KANK1: variants seen among roughly 807,000 people sequenced by gnomAD.
KANK1 encodes KN motif and ankyrin repeat domain-containing protein 1.
A neutral mutation model predicts 106.2 loss-of-function variants in KANK1; 109 were observed. The ratio of observed to expected loss-of-function variants is 1.03; its 90% CI spans 0.88 to 1.20. The LOEUF is 1.20. Among genes scored for constraint, KANK1 ranks in the 50% most tolerant of loss-of-function variants. The pLI, the probability that KANK1 is intolerant of heterozygous loss-of-function variation, is 0.00. For missense variants in KANK1, 2,399 were observed against 1,710.7 expected (o/e 1.40, Z -7.10); for synonymous variants, 873 against 652.2 (o/e 1.34, Z -5.16).
chr9:670,695 T>G (rs1845673811), intron 1 of KANK1, among the ~76,000 whole-genome samples: 1 of 152,194 alleles, frequency 6.6e-6, no homozygotes, highest in Non-Finnish European at 1.5e-5. Flanking sequence ...TAATCCTGCC[T>G]CCTTCCTTTG....
chr9:715,642 C>T (rs1272664438), intron 3 of KANK1, among the ~76,000 whole-genome samples: 1 of 152,224 alleles, frequency 6.6e-6, no homozygotes, highest in Non-Finnish European at 1.5e-5. Context: ...AGCTAAAATA[C>T]AGAAGACCTA....
intron 3 of KANK1, among the ~76,000 whole-genome samples, chr9:728,342 C>T (rs1218035705): frequency 6.6e-6 from 1 of 152,106 alleles, no homozygotes; most frequent in Non-Finnish European, 1.5e-5. Context: ...GGACTACAGG[C>T]ACCCCCCACC....
At chr9:618,185 C>T (rs1056044795) in intron 1 of KANK1, among the ~76,000 whole-genome samples, 1 of 152,112 alleles carries the variant, frequency 6.6e-6, no homozygotes, top group Non-Finnish European at 1.5e-5. Flanking sequence ...GAAGAAAATA[C>T]AGGCTATTCT....
chr9:655,296 G>C (rs932726112), intron 1 of KANK1, among the ~76,000 whole-genome samples: 6 of 151,348 alleles, frequency 4.0e-5, no homozygotes, highest in Non-Finnish European at 5.9e-5. Context: ...GCTTGAACCC[G>C]GGAGGCAGAG....
At chr9:720,858 A>G (rs1226015103) in intron 3 of KANK1, among the ~76,000 whole-genome samples, 1 of 152,234 alleles carries the variant, frequency 6.6e-6, no homozygotes, top group Non-Finnish European at 1.5e-5. Flanking sequence ...TAGTATGAAC[A>G]TCTACCATTA....
chr9:531,970 CAT>C (rs1212988603), intron 1 of KANK1, among the ~76,000 whole-genome samples: 1 of 152,178 alleles, frequency 6.6e-6, no homozygotes, highest in Non-Finnish European at 1.5e-5. Flanking sequence ...GCAGCATGCA[CAT>C]GAGTGAGGAA....
chr9:740,679 C>T, intron 8 of KANK1, 113 bp from the exon 9 acceptor site: 2 of 1,194,730 alleles, frequency 1.7e-6, no homozygotes, highest in South Asian at 3.0e-5. Flanking sequence ...TCTCCAGCCA[C>T]CTGGTACCAT....
At chr9:594,693 A>G (rs10465091) in intron 1 of KANK1, among the ~76,000 whole-genome samples, 45,592 of 151,658 alleles carry the variant, frequency 0.3, 7,907 homozygotes, top group African/African-American at 0.43. Context: ...ACAATTATAG[A>G]TGTGTCTGAA....
intron 1 of KANK1, 90 bp from the exon 2 acceptor site, chr9:676,800 T>C: frequency 1.7e-6 from 1 of 585,800 alleles, no homozygotes; most frequent in Non-Finnish European, 3.1e-6. Context: ...CTTTCTCTGT[T>C]AGCAGTCATC....
intron 8 of KANK1, 94 bp downstream of exon 8, chr9:738,598 G>A: frequency 1.0e-6 from 1 of 961,880 alleles, no homozygotes. Flanking sequence ...TGAATTCTCT[G>A]ACCATGCTAA....
At chr9:682,679 T>C (rs1817805911) in intron 2 of KANK1, among the ~76,000 whole-genome samples, 1 of 152,186 alleles carries the variant, frequency 6.6e-6, no homozygotes, top group Admixed American at 6.5e-5. Flanking sequence ...TTTTATTATT[T>C]CCCAACAATT....
intron 1 of KANK1, among the ~76,000 whole-genome samples, chr9:643,725 C>T (rs940976903): frequency 2.0e-5 from 3 of 149,538 alleles, no homozygotes; most frequent in Non-Finnish European, 4.4e-5. Flanking sequence ...TTTTTAGAGA[C>T]AGAGTCTCGC....
At chr9:667,160 G>A (rs1044400824) in intron 1 of KANK1, among the ~76,000 whole-genome samples, 8 of 151,470 alleles carry the variant, frequency 5.3e-5, no homozygotes, top group African/African-American at 9.7e-5. Flanking sequence ...CTCTTTCTTC[G>A]TGGTTCAATT....
intron 1 of KANK1, among the ~76,000 whole-genome samples, chr9:575,451 T>G (rs959524780): frequency 2.1e-4 from 31 of 150,918 alleles, no homozygotes; most frequent in Admixed American, 1.2e-3. Context: ...GAGGATCATT[T>G]GAGCCCAGGA....
intron 1 of KANK1, among the ~76,000 whole-genome samples, chr9:645,855 A>G (rs963142674): frequency 6.6e-6 from 1 of 151,024 alleles, no homozygotes; most frequent in Non-Finnish European, 1.5e-5. Context: ...TATTATATAT[A>G]TATGACTTCA....
intron 1 of KANK1, among the ~76,000 whole-genome samples, chr9:527,508 C>T (rs979494954): frequency 3.3e-5 from 5 of 151,372 alleles, no homozygotes; most frequent in Non-Finnish European, 4.4e-5. Flanking sequence ...ACTATGTTGG[C>T]CAGGCTAGTC....
intron 7 of KANK1, among the ~76,000 whole-genome samples, chr9:737,564 C>T (rs1026823785): frequency 7.9e-5 from 12 of 152,336 alleles, no homozygotes; most frequent in Non-Finnish European, 1.8e-4. Flanking sequence ...AAAGCAAGTG[C>T]CTTCTTCATG....
chr9:574,804 G>A (rs564133940), intron 1 of KANK1, among the ~76,000 whole-genome samples: 5 of 147,782 alleles, frequency 3.4e-5, no homozygotes, highest in East Asian at 4.0e-4. Context: ...GCAGTGAGCC[G>A]AGATTGCACC....
intron 1 of KANK1, among the ~76,000 whole-genome samples, chr9:631,299 G>T (rs1470012134): frequency 6.6e-6 from 1 of 152,176 alleles, no homozygotes; most frequent in Admixed American, 6.5e-5. Flanking sequence ...ATGCTGTGCG[G>T]CCTCATTAGC....
Sources: allele counts gnomAD v4.1 joint callset (sites outside exome capture counted in the v4.1 genomes callset), GRCh38; gene constraint gnomAD v4.1.1; transcripts MANE v1.5; gene names NCBI Gene and HGNC (gene_info 2026-07-23, HGNC 2026-07-21).